Variants in ZNF536 observed in about 807,000 individuals in gnomAD.
ZNF536 encodes zinc finger protein 536.
ZNF536 carries 13 observed loss-of-function variants against 84.5 expected under a neutral mutation model. The ratio of observed to expected loss-of-function variants is 0.15; its 90% CI spans 0.10 to 0.24. The LOEUF is 0.24. ZNF536 is among the 10% of genes least tolerant of loss of function. The pLI is 1.00. For missense variants in ZNF536, 1,536 were observed against 1,747.5 expected, an observed-to-expected ratio of 0.88 and a Z score of 2.16; for synonymous variants, 811 against 742.5, an observed-to-expected ratio of 1.09 and a Z score of -1.50.
intron 1 of ZNF536, among the ~76,000 whole-genome samples, chr19:30,439,515 A>G (rs1245885961): frequency 2.6e-5 from 4 of 151,834 alleles, no homozygotes; most frequent in African/African-American, 9.7e-5. Flanking sequence ...ATTACCCCAT[A>G]CTCTTTCCAG....
chr19:30,389,900 G>A (rs2049508457), intron 1 of ZNF536, among the ~76,000 whole-genome samples: 1 of 152,202 alleles, frequency 6.6e-6, no homozygotes, highest in Admixed American at 6.5e-5. Context: ...TCTAGAAAAA[G>A]ATTTTTCCAG....
At chr19:30,260,135 T>C (rs543367253) in intron 1 of ZNF536, among the ~76,000 whole-genome samples, 1 of 152,296 alleles carries the variant, frequency 6.6e-6, no homozygotes, top group South Asian at 2.1e-4. Flanking sequence ...TACCAGTTGA[T>C]CATTAGAATC....
chr19:30,700,213 CTTCTTTCTTTCTTTCT>C (rs60390336), intron 1 of ZNF536, among the ~76,000 whole-genome samples: 1 of 102,586 alleles, frequency 9.7e-6, no homozygotes, highest in Non-Finnish European at 2.0e-5. Flanking sequence ...TCTTTCTTTC[CTTCTTTCTTTCTTTCT>C]TTCTTTCTTT....
chr19:30,664,825 C>G (rs1458727588), intron 1 of ZNF536, among the ~76,000 whole-genome samples: 1 of 152,180 alleles, frequency 6.6e-6, no homozygotes, highest in Non-Finnish European at 1.5e-5. Context: ...GTACTCTGGA[C>G]CCTTCCCGGC....
At chr19:30,639,473 C>T (rs2049186773) in intron 1 of ZNF536, among the ~76,000 whole-genome samples, 1 of 152,148 alleles carries the variant, frequency 6.6e-6, no homozygotes, top group Admixed American at 6.5e-5. Context: ...AGCCCCATCC[C>T]AAGTTCCCAG....
intron 2 of ZNF536, among the ~76,000 whole-genome samples, chr19:30,328,290 C>T (rs1331910603): frequency 2.0e-5 from 3 of 152,094 alleles, no homozygotes; most frequent in African/African-American, 2.4e-5. Context: ...AGAAATAAAC[C>T]GAGACTTCGG....
At chr19:30,602,325 A>C (rs1313565811) in intron 1 of ZNF536, among the ~76,000 whole-genome samples, 1 of 152,180 alleles carries the variant, frequency 6.6e-6, no homozygotes, top group Non-Finnish European at 1.5e-5. Context: ...GCTCTACGCC[A>C]GCCTCTGGTG....
intron 1 of ZNF536, among the ~76,000 whole-genome samples, chr19:30,580,957 G>T (rs1000681112): frequency 1.3e-5 from 2 of 152,176 alleles, no homozygotes; most frequent in Non-Finnish European, 2.9e-5. Flanking sequence ...GAGCCCATCG[G>T]TCCTCATTCG....
At chr19:30,413,837 A>G (rs926481959) in intron 1 of ZNF536, among the ~76,000 whole-genome samples, 5 of 152,050 alleles carry the variant, frequency 3.3e-5, no homozygotes, top group African/African-American at 9.7e-5. Flanking sequence ...CACGCCTGTA[A>G]TCTCAGCATT....
intron 1 of ZNF536, among the ~76,000 whole-genome samples, chr19:30,252,328 C>T (rs1441224703): frequency 6.6e-6 from 1 of 152,192 alleles, no homozygotes; most frequent in Non-Finnish European, 1.5e-5. Flanking sequence ...AGGGAATACT[C>T]CCTGGAATTC....
intron 2 of ZNF536, among the ~76,000 whole-genome samples, chr19:30,343,596 A>C (rs2195949): frequency 0.64 from 97,836 of 152,020 alleles, 32,646 homozygotes; most frequent in East Asian, 0.81. Context: ...ACCCTATGAC[A>C]TCCACGCAGT....
chr19:30,297,476 A>T (rs1011832972), intron 2 of ZNF536, among the ~76,000 whole-genome samples: 2 of 152,190 alleles, frequency 1.3e-5, no homozygotes, highest in African/African-American at 2.4e-5. Context: ...GAGGGCTGGC[A>T]TGTTCTTGAA....
intron 1 of ZNF536, among the ~76,000 whole-genome samples, chr19:30,429,963 AAGGGTAC>A (rs1371251931): frequency 6.6e-6 from 1 of 151,774 alleles, no homozygotes; most frequent in East Asian, 1.9e-4. Flanking sequence ...GGTCCTGGAT[AAGGGTAC>A]AGGGTGGTGA....
rs2146252844 is a variant in ZNF536, at chr19:30,549,364, C to A, written c.3745C>A (p.Pro1249Thr). Reference sequence around the variant, plus strand: ...AGCCCAGGACCCCTTGGCGGGCCTGCCAAAGCCGGAGCGGGGGCCCCAGAG... The same window carrying A: ...AGCCCAGGACCCCTTGGCGGGCCTGACAAAGCCGGAGCGGGGGCCCCAGAG... ...LQAQDPLAGL[P>T]KPERGPQSLD... Residue 1249 changes from proline (P) to threonine (T), a missense_variant, in exon 4 of 5, where the codon CCA becomes ACA. Pro to Thr is a conservative substitution (Grantham distance 38). This residue lies in a region of ZNF536 where 624 missense variants were observed against 603.1 expected (regional missense o/e 1.03). Transcript: ENST00000355537. The A allele has an allele frequency of 6.2e-7, 1 of 1,600,874 alleles. No individual in the cohort carries two copies. Among genetic ancestry groups the A allele is most frequent in the South Asian group, 1.1e-5 (1 of 89,018 alleles).
intron 1 of ZNF536, among the ~76,000 whole-genome samples, chr19:30,433,841 T>C (rs2051591320): frequency 1.3e-5 from 2 of 152,184 alleles, no homozygotes; most frequent in South Asian, 2.1e-4. Flanking sequence ...CTTGGTCATA[T>C]CCTTCCCCTC....
intron 1 of ZNF536, among the ~76,000 whole-genome samples, chr19:30,599,931 T>G (rs1296973184): frequency 1.3e-5 from 2 of 152,214 alleles, no homozygotes; most frequent in Admixed American, 1.3e-4. Flanking sequence ...GTTTGATTCT[T>G]GGCTGTAGAT....
In ZNF536 at chr19:30,263,431, C is replaced by T. The variant is rs1038611075; in HGVS notation, c.-189-20641C>T. On this transcript the variant is annotated intron_variant, in intron 1 of 5. Transcript: ENST00000585628. ...TGGCATCTCCCAGGGACCATCCCCCCGACCAGCTCCTTTTATTAACTCAGT... is the reference window on the plus strand; with the variant it reads ...TGGCATCTCCCAGGGACCATCCCCCTGACCAGCTCCTTTTATTAACTCAGT... Among the ~76,000 whole-genome samples, 12 of 152,244 alleles carry T rather than the reference C, an allele frequency of 7.9e-5. No individual in the cohort carries two copies. The South Asian group carries it at 1.5e-3, about 18-fold the overall frequency.
At chr19:30,241,365 A>T (rs1294299115) in intron 1 of ZNF536, among the ~76,000 whole-genome samples, 1 of 152,250 alleles carries the variant, frequency 6.6e-6, no homozygotes, top group Admixed American at 6.5e-5. Flanking sequence ...ATTGTATATC[A>T]GATGGTGACA....
intron 2 of ZNF536, among the ~76,000 whole-genome samples, chr19:30,288,091 G>T (rs914609740): frequency 1.3e-5 from 2 of 152,194 alleles, no homozygotes; most frequent in Admixed American, 1.3e-4. Flanking sequence ...AAACCACCCT[G>T]TTATAAAAAT....
Sources: allele counts gnomAD v4.1 joint callset (sites outside exome capture counted in the v4.1 genomes callset), GRCh38; gene constraint gnomAD v4.1.1; regional missense constraint gnomAD v4.1.1; transcripts MANE v1.5; gene names NCBI Gene and HGNC (gene_info 2026-07-23, HGNC 2026-07-21).